DHX8: variants seen among roughly 807,000 people sequenced by gnomAD.
The protein encoded by DHX8 is DEAH-box helicase 8.
In DHX8, 67 loss-of-function variants were observed where a neutral mutation model predicts 140.7. That is an observed-to-expected ratio of 0.48 (90% confidence interval 0.39 to 0.58). The LOEUF is 0.58. Among genes scored for constraint, DHX8 ranks in the 20% least tolerant of loss-of-function variants. The pLI is 0.00. For synonymous variants in DHX8, 533 were observed against 553.2 expected (o/e 0.96, Z 0.51); for missense variants, 887 against 1,550.7 (o/e 0.57, Z 7.19).
downstream of DHX8, among the ~76,000 whole-genome samples, chr17:43,531,582 T>C (rs189550853): frequency 6.6e-6 from 1 of 152,286 alleles, no homozygotes; most frequent in East Asian, 1.9e-4. Context: ...TGGGCACCTG[T>C]AACCCCAGCT....
chr17:43,526,116 G>A (rs1169401011), downstream of DHX8: 1 of 985,194 alleles, frequency 1.0e-6, no homozygotes, highest in African/African-American at 1.7e-5. Context: ...GCTGAGCTGA[G>A]CCTGCTCTGA....
At chr17:43,520,461 A>C (rs1170342617) in intron 19 of DHX8, among the ~76,000 whole-genome samples, 194 bp downstream of exon 19, 1 of 152,260 alleles carries the variant, frequency 6.6e-6, no homozygotes, top group Non-Finnish European at 1.5e-5. Flanking sequence ...TGTTCTGTTC[A>C]TAATTTTGCC....
intron 12 of DHX8, among the ~76,000 whole-genome samples, chr17:43,505,279 C>G (rs1692710496): frequency 6.6e-6 from 1 of 152,058 alleles, no homozygotes; most frequent in African/African-American, 2.4e-5. Flanking sequence ...CGTGGTGGCG[C>G]ATGCCTATAA....
In DHX8 at chr17:43,489,555, T is replaced by C. The variant is rs184802907; in HGVS notation, c.234+21T>C. ...TTACGGTATGTATATGTGGAGAAGATAATCTGTAGATATTAATGTTTTAAT... is the reference window on the plus strand; with the variant it reads ...TTACGGTATGTATATGTGGAGAAGACAATCTGTAGATATTAATGTTTTAAT... On this transcript the variant is annotated intron_variant, in intron 2 of 22. Coordinates refer to ENST00000262415, the MANE Select transcript of DHX8 (RefSeq NM_004941.3). 8.3e-6 allele frequency: 12 copies of C among 1,444,338 alleles called. No individual in the cohort carries two copies. The East Asian group carries it at 2.5e-4, about 30-fold the overall frequency. 89.5% of individuals were successfully genotyped at this position (1,444,338 alleles called of 1,614,324 possible). A position where few individuals can be genotyped will look rare whatever the true frequency, so the allele number is the denominator to read the frequency against.
At chr17:43,497,001 C>T (rs781433759) in intron 9 of DHX8, among the ~76,000 whole-genome samples, 1 of 152,152 alleles carries the variant, frequency 6.6e-6, no homozygotes, top group Non-Finnish European at 1.5e-5. Context: ...TGAGCACCTA[C>T]GTACTCACCA....
At chr17:43,488,483 C>T (rs572044961) in intron 1 of DHX8, among the ~76,000 whole-genome samples, 1 of 151,442 alleles carries the variant, frequency 6.6e-6, no homozygotes, top group Non-Finnish European at 1.5e-5. Context: ...TGGTGGTGGG[C>T]GCCTGTAGTC....
intron 2 of DHX8, among the ~76,000 whole-genome samples, chr17:43,535,095 C>A (rs1971167982): frequency 6.6e-6 from 1 of 152,204 alleles, no homozygotes. Flanking sequence ...CAAACTCTGG[C>A]CACGAGGCTG....
In DHX8 at chr17:43,493,482, C is replaced by G; in HGVS notation, c.901C>G (p.Arg301Gly). Residue 301 changes from arginine to glycine, a missense_variant, in exon 7 of 23, where the codon CGG becomes GGG. Transcript: ENST00000262415. Reference sequence around the variant, plus strand: ...AGGCCTGGTGCACATCTCTGAGCTCCGGCGGGAGGGTCGTGTGGCCAATGT... The same window carrying G: ...AGGCCTGGTGCACATCTCTGAGCTCGGGCGGGAGGGTCGTGTGGCCAATGT... Reference protein sequence around the residue: ...WEGLVHISELRREGRVANVAD... With the variant: ...WEGLVHISELGREGRVANVAD... The G allele has an allele frequency of 6.2e-7, 1 of 1,614,166 alleles. No individual in the cohort carries two copies. Among genetic ancestry groups the G allele is most frequent in the Non-Finnish European group, 8.5e-7 (1 of 1,180,022 alleles).
chr17:43,539,332 T>C (rs1971405129), intron 3 of DHX8, among the ~76,000 whole-genome samples: 1 of 152,202 alleles, frequency 6.6e-6, no homozygotes, highest in South Asian at 2.1e-4. Flanking sequence ...TTCCTGACCA[T>C]CAGAGTCTCA....
At chr17:43,514,091 C>T (rs1286183091) in intron 17 of DHX8, among the ~76,000 whole-genome samples, 1 of 152,056 alleles carries the variant, frequency 6.6e-6, no homozygotes, top group Non-Finnish European at 1.5e-5. Context: ...CCTGTAATCC[C>T]AGCACTTTGG....
chr17:43,514,576 C>T (rs543742488), intron 17 of DHX8, among the ~76,000 whole-genome samples: 5 of 152,184 alleles, frequency 3.3e-5, no homozygotes, highest in African/African-American at 1.2e-4. Flanking sequence ...ATTACCCGAT[C>T]ACTTTTTTGA....
chr17:43,521,652 T>C lies in DHX8; in HGVS notation c.3263+87T>C. The C allele has an allele frequency of 2.3e-6, 3 of 1,297,944 alleles. No homozygotes were observed. The South Asian group carries it at 4.3e-5, about 19-fold the overall frequency. 80.4% of individuals were successfully genotyped at this position (1,297,944 alleles called of 1,614,324 possible). On this transcript the variant is annotated intron_variant, in intron 21 of 22. Coordinates refer to ENST00000262415, the MANE Select transcript of DHX8 (RefSeq NM_004941.3). Reference sequence around the variant, plus strand: ...TCATCTCTGTGTGTACCTATAAAGCTATAGGCACCTTTTCTCTTGCTCCTC... The same window carrying C: ...TCATCTCTGTGTGTACCTATAAAGCCATAGGCACCTTTTCTCTTGCTCCTC...
At chr17:43,519,573 A>G (rs1970273412) in intron 18 of DHX8, 1 of 149,932 alleles carries the variant, frequency 6.7e-6, no homozygotes, top group Non-Finnish European at 1.5e-5. Context: ...GCTGGTCTCA[A>G]CTCCCGGACT....
chr17:43,484,263 GT>G, intron 1 of DHX8, 78 bp downstream of exon 1: 1 of 1,476,128 alleles, frequency 6.8e-7, no homozygotes, highest in Non-Finnish European at 9.4e-7. Flanking sequence ...GAGAAAGGTG[GT>G]TGATGGACCG....
chr17:43,509,168 T>C (rs905503905), intron 16 of DHX8, among the ~76,000 whole-genome samples: 5 of 152,180 alleles, frequency 3.3e-5, no homozygotes, highest in Non-Finnish European at 7.3e-5. Context: ...AAAATGCCAC[T>C]CATGCTTGGA....
chr17:43,497,857 A>G (rs1968952780), intron 9 of DHX8, among the ~76,000 whole-genome samples: 1 of 152,206 alleles, frequency 6.6e-6, no homozygotes, highest in Non-Finnish European at 1.5e-5. Flanking sequence ...TACTTCTGCC[A>G]TAAGTGTAAG....
At chr17:43,491,484 A>G (rs936408791) in intron 4 of DHX8, among the ~76,000 whole-genome samples, 1 of 152,174 alleles carries the variant, frequency 6.6e-6, no homozygotes, top group Non-Finnish European at 1.5e-5. Context: ...GATTAGGAAT[A>G]TGAAATAAGG....
At chr17:43,499,128 T>C (rs1245525009) in intron 10 of DHX8, among the ~76,000 whole-genome samples, 169 bp downstream of exon 10, 1 of 152,224 alleles carries the variant, frequency 6.6e-6, no homozygotes, top group Non-Finnish European at 1.5e-5. Flanking sequence ...TGGGTTGGCT[T>C]TATTGCTTTT....
intron 3 of DHX8, among the ~76,000 whole-genome samples, chr17:43,539,244 C>G (rs1971401628): frequency 6.6e-6 from 1 of 152,230 alleles, no homozygotes; most frequent in Admixed American, 6.5e-5. Flanking sequence ...ATCTGCAGCA[C>G]TCTGGTCTCC....
Sources: gnomAD v4.1 joint callset for allele counts (sites outside exome capture counted in the v4.1 genomes callset) on GRCh38, gnomAD v4.1.1 for gene constraint, MANE v1.5 for transcripts, NCBI Gene and HGNC (gene_info 2026-07-23, HGNC 2026-07-21) for gene names.